The following SNX30 variants were observed in gnomAD, a reference collection of about 807,000 sequenced individuals.
SNX30 encodes the protein sorting nexin-30.
In SNX30, 24 loss-of-function variants were observed where a neutral mutation model predicts 46.4. The observed-to-expected ratio is 0.52, with a 90% CI of 0.37 to 0.73. The LOEUF is 0.73. Ranked by LOEUF, SNX30 falls within the 30% of genes least tolerant of loss-of-function variation. The pLI, the probability that SNX30 is intolerant of heterozygous loss-of-function variation, is 0.00. For missense variants in SNX30, 533 were observed against 555.7 expected (o/e 0.96, Z 0.41); for synonymous variants, 189 against 211.5 (o/e 0.89, Z 0.92).
chr9:112,865,624 C>CATATATATATCTATATATATAT (rs1841312997), intron 8 of SNX30, among the ~76,000 whole-genome samples: 1 of 79,020 alleles, frequency 1.3e-5, no homozygotes, highest in Non-Finnish European at 2.4e-5. Flanking sequence ...CCTGTCACGC[C>CATATATATATCTATATATATAT]ATATATATAT....
At chr9:112,751,279 G>T in intron 1 of SNX30, 122 bp downstream of exon 1, 5 of 1,193,114 alleles carry the variant, frequency 4.2e-6, no homozygotes, top group Non-Finnish European at 5.4e-6. Context: ...CGGGGGACGG[G>T]CGTGTCCTGG....
In SNX30 at chr9:112,872,626, C is replaced by T. The variant is rs1841464605; in HGVS notation, c.*3783C>T. 6.6e-6 allele frequency: 1 copy of T among 152,224 alleles called. No homozygotes were observed. Among genetic ancestry groups the T allele is most frequent in the South Asian group, 2.1e-4 (1 of 4,822 alleles). The allele number at this position is 152,224 out of a possible 1,614,324, so 9.4% of individuals were successfully genotyped here. A position where few individuals can be genotyped will look rare whatever the true frequency, so the allele number is the denominator to read the frequency against. ...TGCCTGTGGTCAGGACAGGGCATAC[C>T]AGTCTGGACTCCACCTTCCCAGACA... On this transcript the variant is annotated 3_prime_UTR_variant, in exon 9 of 9. Coordinates refer to ENST00000374232, the MANE Select transcript of SNX30 (RefSeq NM_001012994.2).
At chr9:112,833,048 A>G (rs1272097104) in intron 4 of SNX30, among the ~76,000 whole-genome samples, 2 of 151,942 alleles carry the variant, frequency 1.3e-5, no homozygotes, top group Non-Finnish European at 2.9e-5. Context: ...TAAAATTGTG[A>G]TAAAATACAC....
chr9:112,865,473 C>A (rs1165751194), intron 8 of SNX30, among the ~76,000 whole-genome samples: 1 of 151,410 alleles, frequency 6.6e-6, no homozygotes, highest in Non-Finnish European at 1.5e-5. Flanking sequence ...ACAAAATGAG[C>A]CAGGTGTGGT....
intron 1 of SNX30, among the ~76,000 whole-genome samples, chr9:112,772,525 C>G (rs1375502642): frequency 1.3e-5 from 2 of 152,160 alleles, no homozygotes; most frequent in Non-Finnish European, 2.9e-5. Flanking sequence ...GTGGAGATAT[C>G]TAGGCGTGTC....
At chr9:112,754,140 T>C (rs1425434030) in intron 1 of SNX30, among the ~76,000 whole-genome samples, 1 of 152,336 alleles carries the variant, frequency 6.6e-6, no homozygotes, top group East Asian at 1.9e-4. Context: ...AGGGTTATTA[T>C]GCAAAGGGGA....
In SNX30 at chr9:112,750,787, C is replaced by T. The variant is rs1436283610; in HGVS notation, c.-215C>T. ...GGCCGTGCTGCCAGCGGACCCGCGG[C>T]GGGCTCGGGCGCGGAGCGGGGGCGC... On this transcript the variant is annotated 5_prime_UTR_variant, in exon 1 of 9. Transcript: ENST00000374232. 1.7e-5 allele frequency: 3 copies of T among 177,452 alleles called. No individual in the cohort carries two copies. Among genetic ancestry groups the T allele is most frequent in the Admixed American group, 6.7e-5 (1 of 14,848 alleles). The allele number at this position is 177,452 out of a possible 1,614,324, so 11.0% of individuals were successfully genotyped here. A position where few individuals can be genotyped will look rare whatever the true frequency, so the allele number is the denominator to read the frequency against.
intron 1 of SNX30, among the ~76,000 whole-genome samples, chr9:112,792,456 T>G (rs10759584): frequency 0.87 from 132,806 of 152,204 alleles, 58,142 homozygotes; most frequent in Middle Eastern, 0.91. Context: ...ACAGCATCTC[T>G]CTCCGTCGCC....
In SNX30 at chr9:112,864,290, T is replaced by G. The variant is rs373819617; in HGVS notation, c.1145T>G (p.Phe382Cys). 62 of 1,614,016 alleles carry G rather than the reference T, an allele frequency of 3.8e-5. No individual in the cohort carries two copies. Among genetic ancestry groups the G allele is most frequent in the Non-Finnish European group, 4.9e-5 (58 of 1,180,028 alleles). ...AAATGTCAGGATCGGATGGAGTGTT[T>G]CAATGCTGACCTGAAAGCTGACATG... ...VEKCQDRMEC[F>C]NADLKADMER... The change falls in exon 8 of 9, where the codon TTC becomes TGC. Residue 382 changes from phenylalanine to cysteine, a missense_variant. By Grantham distance (205) the Phe-to-Cys change is radical (BLOSUM62 -2). Coordinates refer to ENST00000374232, the MANE Select transcript of SNX30 (RefSeq NM_001012994.2).
chr9:112,804,520 T>G (rs10817388), intron 1 of SNX30, among the ~76,000 whole-genome samples: 9,154 of 152,244 alleles, frequency 0.06, 622 homozygotes, highest in African/African-American at 0.16. Flanking sequence ...TTGAACTGCT[T>G]ACTTATATTG....
At chr9:112,861,670 G>A (rs965747520) in intron 7 of SNX30, among the ~76,000 whole-genome samples, 2 of 152,192 alleles carry the variant, frequency 1.3e-5, no homozygotes, top group African/African-American at 2.4e-5. Flanking sequence ...CCAGTCTTGC[G>A]AGCTGCAGTT....
intron 3 of SNX30, among the ~76,000 whole-genome samples, chr9:112,821,431 GTT>G (rs1840491927): frequency 2.0e-5 from 3 of 150,828 alleles, no homozygotes; most frequent in Non-Finnish European, 4.4e-5. Context: ...ATATATGTGT[GTT>G]TGTATATATG....
intron 3 of SNX30, among the ~76,000 whole-genome samples, chr9:112,821,435 GTATATATGTGTATA>G (rs1840492336): frequency 2.0e-5 from 3 of 151,044 alleles, no homozygotes; most frequent in Non-Finnish European, 4.4e-5. Context: ...ATGTGTGTTT[GTATATATGTGTATA>G]TATGTGTGTG....
intron 8 of SNX30, among the ~76,000 whole-genome samples, chr9:112,868,362 C>G (rs1159344225): frequency 6.6e-6 from 1 of 152,152 alleles, no homozygotes; most frequent in Non-Finnish European, 1.5e-5. Context: ...CTGGCCTGCT[C>G]CAACTATGAT....
intron 5 of SNX30, among the ~76,000 whole-genome samples, chr9:112,837,228 C>G (rs1344699221): frequency 6.6e-6 from 1 of 150,664 alleles, no homozygotes; most frequent in Non-Finnish European, 1.5e-5. Context: ...TTTCTCATTT[C>G]TTGTACTTGT....
intron 4 of SNX30, among the ~76,000 whole-genome samples, chr9:112,834,827 AACACACACACACACAAACACACACAC>A (rs956257719): frequency 4.7e-5 from 5 of 106,280 alleles, no homozygotes; most frequent in African/African-American, 2.1e-4. Flanking sequence ...CCGTGGATTA[AACACACACACACACAAACACACACAC>A]ACACACACAC....
chr9:112,848,466 C>T (rs185816068), intron 6 of SNX30, among the ~76,000 whole-genome samples: 20 of 152,324 alleles, frequency 1.3e-4, no homozygotes, highest in African/African-American at 4.8e-4. Context: ...GGGCCAGCTG[C>T]AAAGCCACAT....
At chr9:112,819,987 C>T (rs1408068417) in intron 3 of SNX30, among the ~76,000 whole-genome samples, 1 of 152,346 alleles carries the variant, frequency 6.6e-6, no homozygotes, top group Admixed American at 6.5e-5. Flanking sequence ...TTATAGCCCA[C>T]ACCATGCATC....
intron 1 of SNX30, among the ~76,000 whole-genome samples, chr9:112,766,540 ATTG>A (rs1839540253): frequency 6.6e-6 from 1 of 152,202 alleles, no homozygotes; most frequent in African/African-American, 2.4e-5. Flanking sequence ...GTATATTCAC[ATTG>A]TTGTGCAACA....
Sources: gnomAD v4.1 joint callset for allele counts (sites outside exome capture counted in the v4.1 genomes callset) on GRCh38, gnomAD v4.1.1 for gene constraint, MANE v1.5 for transcripts, NCBI Gene and HGNC (gene_info 2026-07-23, HGNC 2026-07-21) for gene names.